The following SLC17A8 variants were observed in gnomAD, a reference collection of about 807,000 sequenced individuals.
The protein encoded by SLC17A8 is solute carrier family 17 member 8, also known as vesicular glutamate transporter 3.
In SLC17A8, 31 loss-of-function variants were observed where a neutral mutation model predicts 58.0. The observed-to-expected ratio is 0.53, with a 90% confidence interval of 0.40 to 0.72. The LOEUF (loss-of-function observed/expected upper bound fraction) is 0.72, where lower values mean the gene tolerates loss of function less well. SLC17A8 is among the 30% of genes least tolerant of loss of function. The pLI is 0.00. For missense variants in SLC17A8, 655 were observed against 727.8 expected, an observed-to-expected ratio of 0.90 and a Z score of 1.15; for synonymous variants, 228 against 249.0, an observed-to-expected ratio of 0.92 and a Z score of 0.79.
In SLC17A8 at chr12:100,418,172, G is replaced by A; in HGVS notation, c.1425+16G>A. The A allele has an allele frequency of 6.2e-7, 1 of 1,614,020 alleles. No homozygotes were observed. Among genetic ancestry groups the A allele is most frequent in the Non-Finnish European group, 8.5e-7 (1 of 1,180,002 alleles). ...CAGGCACAAGGTAAAGGTCTCCTTTGTGGCTATGGGTTACAATATCAGAGG... is the reference window on the plus strand; with the variant it reads ...CAGGCACAAGGTAAAGGTCTCCTTTATGGCTATGGGTTACAATATCAGAGG... On this transcript the variant is annotated intron_variant, in intron 11 of 11. Coordinates refer to ENST00000323346, the MANE Select transcript of SLC17A8 (RefSeq NM_139319.3).
chr12:100,368,880 G>C (rs1025832372), intron 1 of SLC17A8, among the ~76,000 whole-genome samples: 2 of 152,116 alleles, frequency 1.3e-5, no homozygotes, highest in Non-Finnish European at 2.9e-5. Flanking sequence ...ATAGAAATAG[G>C]CTCCACTTCT....
chr12:100,373,462 T>C (rs372743476), intron 1 of SLC17A8, among the ~76,000 whole-genome samples: 3 of 152,090 alleles, frequency 2.0e-5, no homozygotes, highest in Admixed American at 6.5e-5. Flanking sequence ...TTCCATTCAG[T>C]TGGACAAGGA....
At chr12:100,388,664 G>A (rs781582963) in intron 2 of SLC17A8, among the ~76,000 whole-genome samples, 1 of 152,218 alleles carries the variant, frequency 6.6e-6, no homozygotes, top group Non-Finnish European at 1.5e-5. Context: ...CAGGACGAAC[G>A]TTGAACAGAT....
chr12:100,412,665 C>G, intron 9 of SLC17A8, 105 bp from the exon 10 acceptor site: 1 of 625,676 alleles, frequency 1.6e-6, no homozygotes, highest in Non-Finnish European at 3.0e-6. Context: ...ACAAAATAAA[C>G]TTAGGTCTGT....
At chr12:100,378,045 G>T (rs775412166) in intron 1 of SLC17A8, among the ~76,000 whole-genome samples, 3 of 152,150 alleles carry the variant, frequency 2.0e-5, no homozygotes, top group Non-Finnish European at 4.4e-5. Context: ...TGTCAGATAA[G>T]TCTAGTTATA....
intron 5 of SLC17A8, among the ~76,000 whole-genome samples, chr12:100,400,392 C>T (rs188582174): frequency 2.6e-5 from 4 of 152,246 alleles, no homozygotes; most frequent in African/African-American, 9.6e-5. Flanking sequence ...CCCATTATAG[C>T]TTACAAAGCA....
chr12:100,372,002 G>A (rs563595226), intron 1 of SLC17A8, among the ~76,000 whole-genome samples: 1 of 152,310 alleles, frequency 6.6e-6, no homozygotes, highest in African/African-American at 2.4e-5. Flanking sequence ...TCCCTAGAGT[G>A]TAGCAAGTAG....
At position 100,381,568 on chromosome 12, in the gene SLC17A8, C is replaced by CAGAGAGAGAG. The variant is rs112159680; in HGVS notation, c.354+629_354+638dup. Among the ~76,000 whole-genome samples the CAGAGAGAGAG allele has an allele frequency of 3.1e-3, 460 of 149,012 alleles. 1 individual carries two copies. The highest frequency in any genetic ancestry group is 4.4e-3 in the African/African-American group (178 of 40,468). On this transcript the variant is annotated intron_variant, in intron 2 of 11. Transcript: ENST00000323346. ...ACTGTGAAGGACTGTAAGAAAGAGACAGAGAGAGAGAGAGAGAGAGAGAAC... is the reference window on the plus strand; with the variant it reads ...ACTGTGAAGGACTGTAAGAAAGAGACAGAGAGAGAGAGAGAGAGAGAGAGAGAGAGAGAAC...
At chr12:100,404,812 C>A (rs1030772316) in intron 9 of SLC17A8, among the ~76,000 whole-genome samples, 2 of 152,146 alleles carry the variant, frequency 1.3e-5, no homozygotes, top group African/African-American at 4.8e-5. Flanking sequence ...TTACTATATG[C>A]AATTTGCAAT....
chr12:100,360,883 A>G (rs1421985178), intron 1 of SLC17A8, among the ~76,000 whole-genome samples: 1 of 152,200 alleles, frequency 6.6e-6, no homozygotes, highest in African/African-American at 2.4e-5. Context: ...AATCAGTTGC[A>G]TCTTTATTGA....
At chr12:100,404,501 T>TACACACACACACACACAC in intron 9 of SLC17A8, 1 of 220,446 alleles carries the variant, frequency 4.5e-6, no homozygotes, top group Non-Finnish European at 9.2e-6. Flanking sequence ...ATGGGATATA[T>TACACACACACACACACAC]GCACACACAC....
intron 2 of SLC17A8, among the ~76,000 whole-genome samples, chr12:100,383,240 T>C (rs1952649531): frequency 6.6e-6 from 1 of 152,220 alleles, no homozygotes; most frequent in African/African-American, 2.4e-5. Context: ...CTGAGGCATA[T>C]GGAAAAGACA....
chr12:100,384,722 G>A (rs1952660876), intron 2 of SLC17A8, among the ~76,000 whole-genome samples: 1 of 152,202 alleles, frequency 6.6e-6, no homozygotes. Context: ...TGAAACCCAG[G>A]CTGTCCTCCA....
rs369723113 is a variant in SLC17A8 at position 100,377,270 on chromosome 12, G to A, written c.102-3431G>A. On this transcript the variant is annotated intron_variant, in intron 1 of 11. Transcript: ENST00000323346. ...TAGCATCATAGACTCATTAAGTGAC[G>A]GTGAGGATTAACGTAATAAAAATAG... is the stretch of plus-strand genomic sequence containing the variant. Among the ~76,000 whole-genome samples, 15 of 152,140 alleles carry A rather than the reference G, an allele frequency of 9.9e-5. No individual in the cohort carries two copies. The East Asian group carries it at 1.5e-3, about 16-fold the overall frequency.
chr12:100,400,796 ACGTCCAGAGGATAG>A (rs1281457877), intron 5 of SLC17A8, among the ~76,000 whole-genome samples: 1 of 152,076 alleles, frequency 6.6e-6, no homozygotes, highest in Admixed American at 6.5e-5. Context: ...TCCCTACCAG[ACGTCCAGAGGATAG>A]CAGAGGTCAG....
At chr12:100,394,473 C>T (rs1420846124) in intron 4 of SLC17A8, among the ~76,000 whole-genome samples, 2 of 147,832 alleles carry the variant, frequency 1.4e-5, no homozygotes, top group African/African-American at 2.5e-5. Context: ...ATGATCTCGG[C>T]CCGTTGCAAC....
At chr12:100,393,565 C>T in intron 4 of SLC17A8, 82 bp downstream of exon 4, 1 of 1,040,118 alleles carries the variant, frequency 9.6e-7, no homozygotes, top group Non-Finnish European at 1.5e-6. Flanking sequence ...GAAGAAAATC[C>T]CCTTTACTCA....
chr12:100,406,284 C>T (rs1952825319), intron 9 of SLC17A8, among the ~76,000 whole-genome samples: 1 of 152,124 alleles, frequency 6.6e-6, no homozygotes, highest in Admixed American at 6.6e-5. Flanking sequence ...CATGTGGTGC[C>T]TTATTGCAGC....
At chr12:100,372,468 C>G (rs1952564922) in intron 1 of SLC17A8, among the ~76,000 whole-genome samples, 1 of 152,094 alleles carries the variant, frequency 6.6e-6, no homozygotes, top group Non-Finnish European at 1.5e-5. Context: ...TCCCCTCAGC[C>G]TCCCAAGTAG....
Sources: allele counts gnomAD v4.1 joint callset (sites outside exome capture counted in the v4.1 genomes callset), GRCh38; gene constraint gnomAD v4.1.1; transcripts MANE v1.5; gene names NCBI Gene and HGNC (gene_info 2026-07-23, HGNC 2026-07-21).